PKIB: variants seen among roughly 807,000 people sequenced by gnomAD.
PKIB encodes the protein PKI-beta.
PKIB carries 2 observed loss-of-function variants against 4.5 expected under a neutral mutation model. The observed-to-expected ratio is 0.44, with a 90% CI of 0.18 to 1.39. PKIB has a LOEUF of 1.39. PKIB is among the 40% of genes most tolerant of loss of function. PKIB has a pLI of 0.27. For synonymous variants in PKIB, 38 were observed against 36.0 expected (o/e 1.06, Z -0.20); for missense variants, 94 against 92.6 (o/e 1.02, Z -0.06).
intron 4 of PKIB, among the ~76,000 whole-genome samples, chr6:122,719,031 A>G (rs1562319170): frequency 6.6e-6 from 1 of 152,208 alleles, no homozygotes; most frequent in Admixed American, 6.5e-5. Context: ...ATAAACATAT[A>G]TGTAATGTTT....
intron 1 of PKIB, among the ~76,000 whole-genome samples, chr6:122,621,285 A>G (rs1439721512): frequency 2.0e-5 from 3 of 152,210 alleles, no homozygotes; most frequent in South Asian, 4.1e-4. Context: ...AATTTTGCCT[A>G]GGAGTACCGT....
At chr6:122,723,097 C>G (rs1048577252) in intron 4 of PKIB, among the ~76,000 whole-genome samples, 2 of 152,204 alleles carry the variant, frequency 1.3e-5, no homozygotes, top group African/African-American at 4.8e-5. Context: ...TTCAGCTTTT[C>G]TTTCCTCATC....
chr6:122,673,790 G>T (rs1330129257), intron 2 of PKIB, among the ~76,000 whole-genome samples: 1 of 152,090 alleles, frequency 6.6e-6, no homozygotes, highest in Non-Finnish European at 1.5e-5. Context: ...CCCTCAAAAG[G>T]CTTAAAAAAA....
intron 1 of PKIB, among the ~76,000 whole-genome samples, chr6:122,619,187 G>A (rs544616313): frequency 1.3e-5 from 2 of 152,048 alleles, no homozygotes; most frequent in African/African-American, 4.8e-5. Flanking sequence ...ATGATTTAGG[G>A]TGCACTGCTT....
intron 2 of PKIB, among the ~76,000 whole-genome samples, chr6:122,634,540 GTTC>G (rs1775834608): frequency 2.6e-5 from 4 of 152,148 alleles, no homozygotes; most frequent in Admixed American, 1.3e-4. Context: ...AGGCTCCAAA[GTTC>G]TTCTCCCCCT....
At position 122,534,172 on chromosome 6, in the gene PKIB, C is replaced by T. The variant is rs980939344; in HGVS notation, c.-247-51749C>T. Among the ~76,000 whole-genome samples the T allele has an allele frequency of 1.6e-4, 23 of 148,340 alleles. 1 individual carries two copies. The highest frequency in any genetic ancestry group is 5.6e-4 in the African/African-American group (23 of 40,780). On this transcript the variant is annotated intron_variant, in intron 2 of 6. Coordinates refer to the PKIB transcript ENST00000392491. Reference sequence around the variant, plus strand: ...TTATATATAATATATATAATACTAACATATATAATATATTATATACAATTG... The same window carrying T: ...TTATATATAATATATATAATACTAATATATATAATATATTATATACAATTG...
chr6:122,618,161 G>T (rs2114780362), intron 1 of PKIB, among the ~76,000 whole-genome samples: 1 of 152,104 alleles, frequency 6.6e-6, no homozygotes, highest in East Asian at 1.9e-4. Flanking sequence ...ATTTAACTCA[G>T]AAATGAGAAA....
At chr6:122,656,357 T>C (rs1175053033) in intron 2 of PKIB, among the ~76,000 whole-genome samples, 1 of 152,214 alleles carries the variant, frequency 6.6e-6, no homozygotes, top group Non-Finnish European at 1.5e-5. Flanking sequence ...TTTAAGCATA[T>C]TGCTATACAG....
intron 3 of PKIB, chr6:122,701,469 A>G (rs1778810317): frequency 1.3e-6 from 2 of 1,592,384 alleles, no homozygotes; most frequent in Non-Finnish European, 8.6e-7. Context: ...CCTGCCAAAC[A>G]CAGGCTGAAC....
At position 122,668,571 on chromosome 6, in the gene PKIB, T is replaced by C. The variant is rs1777324065; in HGVS notation, c.-75-6507T>C. ...AAGCTAAAATGGTGTGTTTTGTCAA[T>C]ATGAAGTGGACAGTGGAATACAAAA... On this transcript the variant is annotated intron_variant, in intron 2 of 4. Transcript: ENST00000368452. Among the ~76,000 whole-genome samples, 3 of 152,194 alleles carry C rather than the reference T, an allele frequency of 2.0e-5. No homozygotes were observed. In the South Asian group the frequency reaches 6.2e-4, roughly 32 times the overall value.
intron 2 of PKIB, among the ~76,000 whole-genome samples, chr6:122,571,118 C>T (rs1477043566): frequency 6.6e-6 from 1 of 151,776 alleles, no homozygotes; most frequent in Non-Finnish European, 1.5e-5. Context: ...GTGAAAATTT[C>T]AATATTAGAC....
intron 2 of PKIB, among the ~76,000 whole-genome samples, chr6:122,490,657 A>G (rs1315219883): frequency 3.3e-5 from 5 of 152,126 alleles, no homozygotes; most frequent in African/African-American, 1.2e-4. Context: ...GTCTTCCACC[A>G]TGAGTGTAAG....
At chr6:122,722,164 T>C (rs1160915914) in intron 4 of PKIB, among the ~76,000 whole-genome samples, 1 of 152,142 alleles carries the variant, frequency 6.6e-6, no homozygotes, top group Non-Finnish European at 1.5e-5. Context: ...AACATCACAA[T>C]ACAAAATGTT....
chr6:122,629,933 G>T (rs1349124235), intron 1 of PKIB, among the ~76,000 whole-genome samples: 1 of 152,144 alleles, frequency 6.6e-6, no homozygotes, highest in Non-Finnish European at 1.5e-5. Context: ...AAGGGCGTCA[G>T]ATAAAAACTA....
intron 2 of PKIB, among the ~76,000 whole-genome samples, chr6:122,556,973 G>C (rs1772862557): frequency 6.6e-6 from 1 of 152,188 alleles, no homozygotes; most frequent in Admixed American, 6.5e-5. Context: ...CAGCACTTTG[G>C]GAGGCTGAAG....
At chr6:122,605,780 C>A (rs1354119769), upstream of PKIB, among the ~76,000 whole-genome samples, 6 of 152,164 alleles carry the variant, frequency 3.9e-5, no homozygotes, top group Non-Finnish European at 8.8e-5. Flanking sequence ...AGGCAGATAG[C>A]TACTCTCAGG....
chr6:122,479,662 T>C (rs1207740955), intron 2 of PKIB: 1 of 152,350 alleles, frequency 6.6e-6, no homozygotes, highest in Middle Eastern at 3.4e-3. Flanking sequence ...CTCTTTGCCC[T>C]CTGCTTTATT....
At chr6:122,518,980 G>A (rs1161335113) in intron 2 of PKIB, among the ~76,000 whole-genome samples, 1 of 152,148 alleles carries the variant, frequency 6.6e-6, no homozygotes, top group Non-Finnish European at 1.5e-5. Context: ...CCATCTAGAG[G>A]AAGAAGAAAA....
intron 4 of PKIB, among the ~76,000 whole-genome samples, chr6:122,719,810 G>T (rs927410155): frequency 6.6e-6 from 1 of 151,260 alleles, no homozygotes; most frequent in Non-Finnish European, 1.5e-5. Context: ...GCTTGATTTA[G>T]CCACTCCACA....
Sources: allele counts gnomAD v4.1 joint callset (sites outside exome capture counted in the v4.1 genomes callset), GRCh38; gene constraint gnomAD v4.1.1; transcripts MANE v1.5; gene names NCBI Gene and HGNC (gene_info 2026-07-23, HGNC 2026-07-21).